L2HGDH: variants seen among roughly 807,000 people sequenced by gnomAD.
L2HGDH encodes L-2-hydroxyglutarate dehydrogenase, also known as L-2-hydroxyglutarate dehydrogenase, mitochondrial.
L2HGDH carries 34 observed loss-of-function variants against 51.5 expected under a neutral mutation model. The observed-to-expected ratio is 0.66, with a 90% confidence interval of 0.50 to 0.88. L2HGDH has a LOEUF of 0.88. Ranked by LOEUF, L2HGDH falls within the 40% of genes least tolerant of loss-of-function variation. The pLI is 0.00. For missense variants in L2HGDH, 558 were observed against 571.9 expected (o/e 0.98, Z 0.25); for synonymous variants, 198 against 197.9 (o/e 1.00, Z -0.01).
At chr14:50,298,335 GAC>G (rs1163040128) in intron 3 of L2HGDH, among the ~76,000 whole-genome samples, 1 of 150,452 alleles carries the variant, frequency 6.6e-6, no homozygotes, top group East Asian at 2.0e-4. Context: ...TTTTTTTTGA[GAC>G]AGAGTTTCGC....
chr14:50,282,802 G>C (rs1261925426), intron 5 of L2HGDH, among the ~76,000 whole-genome samples: 7 of 152,138 alleles, frequency 4.6e-5, no homozygotes, highest in African/African-American at 1.7e-4. Flanking sequence ...AGCACTTTGG[G>C]AGGTCAAGTG....
chr14:50,298,132 G>A (rs778665800), intron 3 of L2HGDH, among the ~76,000 whole-genome samples: 2 of 150,382 alleles, frequency 1.3e-5, no homozygotes, highest in Admixed American at 6.6e-5. Context: ...TAGTCCCAGC[G>A]ACTTGGGAGG....
In L2HGDH at chr14:50,273,806, C is replaced by A. The variant is rs71420176; in HGVS notation, c.739-4476G>T. Among the ~76,000 whole-genome samples the A allele has an allele frequency of 4.2e-3, 644 of 152,280 alleles. 1 individual carries two copies. Among genetic ancestry groups the A allele is most frequent in the Admixed American group, 6.9e-3 (105 of 15,290 alleles). ...AAAAAATGAGCAAAGAAAGGCCGGG[C>A]ACAGGGGCTCACGCCTGTAATCCCC... is the stretch of plus-strand genomic sequence containing the variant. On this transcript the variant is annotated intron_variant, in intron 6 of 9. Transcript: ENST00000267436.
intron 7 of L2HGDH, 94 bp from the exon 8 acceptor site, chr14:50,268,004 T>C (rs1479982452): frequency 2.5e-6 from 3 of 1,183,214 alleles, no homozygotes; most frequent in Non-Finnish European, 3.8e-6. Flanking sequence ...CACTTTCTTC[T>C]CATGCATTTA....
chr14:50,303,093 T>C, intron 1 of L2HGDH, 76 bp from the exon 2 acceptor site: 1 of 889,736 alleles, frequency 1.1e-6, no homozygotes, highest in South Asian at 1.3e-5. Context: ...ATAATTTTCA[T>C]CAATGGACAA....
Position 50,269,215 on chromosome 14 carries a change from T to C in L2HGDH, c.854A>G (p.Tyr285Cys). The change falls in exon 7 of 10, where the codon TAC becomes TGC. Residue 285 changes from tyrosine (Y) to cysteine (C), a missense_variant. This residue lies in a region of L2HGDH where 321 missense variants were observed against 311.8 expected (regional missense o/e 1.03). Transcript: ENST00000267436. ...DPRIVPFRGDYLLLKPEKCYL... is the reference protein window; with the variant it reads ...DPRIVPFRGDCLLLKPEKCYL... ...ACATTTTTCTGGCTTCAAAAGCAGG[T>C]AATCTCCCCGGAATGGTACAATTCG... is the stretch of plus-strand genomic sequence containing the variant. 6.2e-7 allele frequency: 1 copy of C among 1,613,980 alleles called. No homozygotes were observed. The highest frequency in any genetic ancestry group is 8.5e-7 in the Non-Finnish European group (1 of 1,179,974).
Position 50,243,663 on chromosome 14 carries a change from T to TA in L2HGDH, c.*3394_*3395insT. ...TTTCATTTTTATTTTTCAGGGTATTTTATATATATATATATATATATATTG... is the reference window on the plus strand; with the variant it reads ...TTTCATTTTTATTTTTCAGGGTATTTATATATATATATATATATATATATTG... On this transcript the variant is annotated 3_prime_UTR_variant, in exon 10 of 10. Transcript: ENST00000267436. 5.7e-6 allele frequency: 1 copy of TA among 174,600 alleles called. No homozygotes were observed. The highest frequency in any genetic ancestry group is 9.2e-6 in the Non-Finnish European group (1 of 108,494). The allele number at this position is 174,600 out of a possible 1,614,324, so 10.8% of individuals were successfully genotyped here. A position where few individuals can be genotyped will look rare whatever the true frequency, so the allele number is the denominator to read the frequency against.
intron 9 of L2HGDH, among the ~76,000 whole-genome samples, chr14:50,262,608 A>G (rs1889097187): frequency 6.6e-6 from 1 of 151,988 alleles, no homozygotes; most frequent in Non-Finnish European, 1.5e-5. Flanking sequence ...CTCTTCCCTC[A>G]CCAGAGGTAA....
rs766375440 is a variant in L2HGDH at position 50,283,912 on chromosome 14, C to T, written c.662G>A (p.Gly221Asp). 3 of 1,613,994 alleles carry T rather than the reference C, an allele frequency of 1.9e-6. No individual in the cohort carries two copies. Among genetic ancestry groups the T allele is most frequent in the African/African-American group, 1.3e-5 (1 of 74,924 alleles). Residue 221 changes from glycine to aspartate, a missense_variant, in exon 5 of 10, where the codon GGT (glycine) becomes GAT (aspartate). Physicochemically the swap from Gly to Asp is moderately conservative, Grantham distance 94. Coordinates refer to ENST00000267436, the MANE Select transcript of L2HGDH (RefSeq NM_024884.3). ...AGGACTTTCTTTAGCCATTTCAATA[C>T]CTTTTACTTCAAAATTGGTCAAGAC... is the stretch of plus-strand genomic sequence containing the variant. ...GSVLTNFEVKGIEMAKESPSR... is the reference protein window; with the variant it reads ...GSVLTNFEVKDIEMAKESPSR...
intron 4 of L2HGDH, among the ~76,000 whole-genome samples, chr14:50,289,555 C>G (rs1296260905): frequency 1.3e-5 from 2 of 152,074 alleles, no homozygotes; most frequent in African/African-American, 4.8e-5. Context: ...AGAAAGAGCA[C>G]TCTAATGAGC....
intron 6 of L2HGDH, among the ~76,000 whole-genome samples, chr14:50,274,274 C>CA (rs576083220): frequency 0.06 from 7,509 of 125,974 alleles, 522 homozygotes; most frequent in African/African-American, 0.18. Flanking sequence ...GACCCTGTCT[C>CA]AAAAAAAAAA....
intron 6 of L2HGDH, among the ~76,000 whole-genome samples, chr14:50,273,425 C>A (rs1889805858): frequency 6.6e-6 from 1 of 152,046 alleles, no homozygotes; most frequent in South Asian, 2.1e-4. Flanking sequence ...AATTGGACTC[C>A]TTTTTTACAC....
intron 9 of L2HGDH, 76 bp downstream of exon 9, chr14:50,265,282 A>G: frequency 3.9e-6 from 5 of 1,268,140 alleles, no homozygotes; most frequent in Non-Finnish European, 5.7e-6. Context: ...GGTACTTACT[A>G]ATCACCAAGT....
chr14:50,252,537 C>T (rs925813456), intron 9 of L2HGDH, among the ~76,000 whole-genome samples: 2 of 151,790 alleles, frequency 1.3e-5, no homozygotes, highest in Admixed American at 6.6e-5. Flanking sequence ...AAGAAACTTA[C>T]TTCACCTATA....
chr14:50,302,320 A>G (rs1411401538), intron 2 of L2HGDH, 152 bp from the exon 3 acceptor site: 1 of 769,330 alleles, frequency 1.3e-6, no homozygotes, highest in African/African-American at 1.7e-5. Context: ...TTCTTCTAAC[A>G]TCCCTGGTAT....
chr14:50,302,682 T>C (rs1272954509), intron 2 of L2HGDH, among the ~76,000 whole-genome samples: 1 of 152,168 alleles, frequency 6.6e-6, no homozygotes, highest in Non-Finnish European at 1.5e-5. Context: ...TCCTGTTTCC[T>C]GAGATAACCT....
intron 3 of L2HGDH, among the ~76,000 whole-genome samples, chr14:50,300,986 G>A (rs767240282): frequency 6.6e-6 from 1 of 152,018 alleles, no homozygotes; most frequent in Admixed American, 6.6e-5. Flanking sequence ...CACCGCACCC[G>A]GCTAACTTTT....
chr14:50,266,727 C>T (rs961896861), intron 8 of L2HGDH, among the ~76,000 whole-genome samples: 3 of 152,140 alleles, frequency 2.0e-5, no homozygotes, highest in African/African-American at 4.8e-5. Flanking sequence ...GAAGCTCCAT[C>T]CTAAACTTTC....
intron 6 of L2HGDH, among the ~76,000 whole-genome samples, chr14:50,271,179 A>G (rs1302274592): frequency 1.3e-5 from 2 of 152,214 alleles, no homozygotes; most frequent in Non-Finnish European, 2.9e-5. Flanking sequence ...AAATAGGTTA[A>G]TATCTTTCCT....
Sources: gnomAD v4.1 joint callset for allele counts (sites outside exome capture counted in the v4.1 genomes callset) on GRCh38, gnomAD v4.1.1 for gene constraint, gnomAD v4.1.1 regional missense constraint, MANE v1.5 for transcripts, NCBI Gene and HGNC (gene_info 2026-07-23, HGNC 2026-07-21) for gene names.